ADGRL2: variants seen among roughly 807,000 people sequenced by gnomAD.
ADGRL2 encodes calcium-independent alpha-latrotoxin receptor 2.
ADGRL2 carries 44 observed loss-of-function variants against 157.4 expected under a neutral mutation model. The observed-to-expected ratio is 0.28, with a 90% confidence interval of 0.22 to 0.36. The LOEUF is 0.36. Ranked by LOEUF, ADGRL2 falls within the 10% of genes least tolerant of loss-of-function variation. The pLI, the probability that ADGRL2 is intolerant of heterozygous loss-of-function variation, is 1.00. For synonymous variants in ADGRL2, 585 were observed against 624.7 expected (o/e 0.94, Z 0.95); for missense variants, 1,510 against 1,768.9 (o/e 0.85, Z 2.63).
At chr1:81,384,113 T>C (rs1299902738) in intron 1 of ADGRL2, among the ~76,000 whole-genome samples, 1 of 152,166 alleles carries the variant, frequency 6.6e-6, no homozygotes, top group African/African-American at 2.4e-5. Flanking sequence ...TGCAAAGATA[T>C]ATGTCAAACT....
intron 3 of ADGRL2, among the ~76,000 whole-genome samples, chr1:81,642,179 C>T (rs1201372986): frequency 3.4e-5 from 5 of 145,360 alleles, no homozygotes; most frequent in East Asian, 4.1e-4. Context: ...ACCCAGGAGG[C>T]GGAGCTTGCA....
intron 2 of ADGRL2, among the ~76,000 whole-genome samples, chr1:81,489,414 C>A (rs182669644): frequency 1.3e-5 from 2 of 152,102 alleles, no homozygotes; most frequent in Admixed American, 1.3e-4. Context: ...ATTATTGAGT[C>A]TGAGGAACAG....
Position 81,926,266 on chromosome 1 carries a change from A to C in ADGRL2, c.288-10462A>C, listed in dbSNP as rs1385328333. Among the ~76,000 whole-genome samples the C allele has an allele frequency of 2.0e-5, 3 of 152,060 alleles. No individual in the cohort carries two copies. The East Asian group carries it at 5.8e-4, about 29-fold the overall frequency. ...GTACAACAATTCTCATATCACAACAAGACTAATTAAATATTTAGAAACCAA... is the reference window on the plus strand; with the variant it reads ...GTACAACAATTCTCATATCACAACACGACTAATTAAATATTTAGAAACCAA... On this transcript the variant is annotated intron_variant, in intron 3 of 23. Coordinates refer to ENST00000686636, the MANE Select transcript of ADGRL2 (RefSeq NM_001366006.2).
chr1:81,391,632 C>T (rs752429674), intron 1 of ADGRL2, among the ~76,000 whole-genome samples: 8 of 58,802 alleles, frequency 1.4e-4, no homozygotes, highest in Non-Finnish European at 2.4e-4. Flanking sequence ...CCTTTGAACA[C>T]GGCAGAGGTT....
intron 1 of ADGRL2, among the ~76,000 whole-genome samples, chr1:81,341,944 T>C (rs1188405951): frequency 6.6e-6 from 1 of 152,160 alleles, no homozygotes; most frequent in African/African-American, 2.4e-5. Context: ...ATTTATTTCC[T>C]GAGAAATAAA....
At chr1:81,410,363 C>T (rs1189297742) in intron 1 of ADGRL2, among the ~76,000 whole-genome samples, 1 of 152,138 alleles carries the variant, frequency 6.6e-6, no homozygotes, top group Non-Finnish European at 1.5e-5. Context: ...TTTCAAAATG[C>T]TTATTTTGGA....
intron 2 of ADGRL2, among the ~76,000 whole-genome samples, chr1:81,785,289 A>C (rs2149395462): frequency 6.6e-6 from 1 of 152,262 alleles, no homozygotes; most frequent in East Asian, 1.9e-4. Context: ...GACGTATAAA[A>C]CTGTTAGAAA....
At chr1:81,564,746 G>A (rs552888130) in intron 2 of ADGRL2, among the ~76,000 whole-genome samples, 3 of 152,238 alleles carry the variant, frequency 2.0e-5, no homozygotes, top group Admixed American at 2.0e-4. Flanking sequence ...CAAGAGGAGG[G>A]GATTCACTGG....
intron 2 of ADGRL2, among the ~76,000 whole-genome samples, chr1:81,839,409 T>C (rs1290951965): frequency 6.6e-6 from 1 of 151,974 alleles, no homozygotes; most frequent in Non-Finnish European, 1.5e-5. Context: ...CCGTAAGTTA[T>C]TTGGGCACAG....
intron 3 of ADGRL2, among the ~76,000 whole-genome samples, chr1:81,651,947 A>C (rs1252693085): frequency 6.6e-6 from 1 of 151,812 alleles, no homozygotes; most frequent in Non-Finnish European, 1.5e-5. Context: ...CCTCAATTGA[A>C]CCTCACACCT....
intron 1 of ADGRL2, among the ~76,000 whole-genome samples, chr1:81,805,615 G>A (rs2089001548): frequency 6.7e-6 from 1 of 150,340 alleles, no homozygotes; most frequent in South Asian, 2.1e-4. Flanking sequence ...ATTACAATTA[G>A]GGTTTTTTTT....
At chr1:81,958,333 G>C (rs1306922833) in intron 11 of ADGRL2, among the ~76,000 whole-genome samples, 1 of 151,658 alleles carries the variant, frequency 6.6e-6, no homozygotes, top group Admixed American at 6.6e-5. Context: ...CAATTTTGGG[G>C]GTGGGGGGAA....
intron 3 of ADGRL2, among the ~76,000 whole-genome samples, chr1:81,670,428 T>A (rs1294256444): frequency 6.6e-6 from 1 of 152,172 alleles, no homozygotes; most frequent in Admixed American, 6.5e-5. Context: ...TGCTTGTATA[T>A]GTAGGAAAGT....
intron 1 of ADGRL2, among the ~76,000 whole-genome samples, chr1:81,710,771 C>CA (rs1255765234): frequency 3.4e-5 from 5 of 148,404 alleles, no homozygotes; most frequent in African/African-American, 9.9e-5. Context: ...ATACTAGATG[C>CA]AAAAAAAGGA....
chr1:81,941,369 T>C (rs1647937465), intron 4 of ADGRL2, among the ~76,000 whole-genome samples: 1 of 151,532 alleles, frequency 6.6e-6, no homozygotes, highest in Non-Finnish European at 1.5e-5. Flanking sequence ...GATATATTCC[T>C]AAAGAGGAGG....
chr1:81,571,033 T>C (rs2148495538), intron 2 of ADGRL2, among the ~76,000 whole-genome samples: 1 of 152,144 alleles, frequency 6.6e-6, no homozygotes, highest in Admixed American at 6.5e-5. Context: ...AAAAAATATA[T>C]AGTAGGCCAG....
At chr1:81,775,182 G>C (rs1266838428) in intron 2 of ADGRL2, among the ~76,000 whole-genome samples, 1 of 151,846 alleles carries the variant, frequency 6.6e-6, no homozygotes, top group East Asian at 1.9e-4. Context: ...CTCAATTTAT[G>C]CTTATCATTT....
At chr1:81,362,082 G>T (rs1293945457) in intron 1 of ADGRL2, among the ~76,000 whole-genome samples, 1 of 151,876 alleles carries the variant, frequency 6.6e-6, no homozygotes, top group Non-Finnish European at 1.5e-5. Flanking sequence ...ATCCCAAGGT[G>T]CTAAATATTA....
At chr1:81,523,055 G>GA (rs11410947) in intron 2 of ADGRL2, among the ~76,000 whole-genome samples, 56,251 of 151,574 alleles carry the variant, frequency 0.37, 13,599 homozygotes, top group African/African-American at 0.69. Flanking sequence ...AAGTTACCTG[G>GA]AAAAAAAATT....
Sources: gnomAD v4.1 joint callset for allele counts (sites outside exome capture counted in the v4.1 genomes callset) on GRCh38, gnomAD v4.1.1 for gene constraint, MANE v1.5 for transcripts, NCBI Gene and HGNC (gene_info 2026-07-23, HGNC 2026-07-21) for gene names.